Variants in DHRSX observed in about 807,000 individuals in gnomAD.
The protein encoded by DHRSX is polyprenol dehydrogenase.
DHRSX carries 31 observed loss-of-function variants against 34.0 expected under a neutral mutation model. The ratio of observed to expected loss-of-function variants is 0.91; its 90% CI spans 0.69 to 1.23. The LOEUF (loss-of-function observed/expected upper bound fraction) is 1.23. Among genes scored for constraint, DHRSX ranks in the 50% most tolerant of loss-of-function variants. DHRSX has a pLI of 0.00. For synonymous variants in DHRSX, 201 were observed against 183.8 expected (o/e 1.09, Z -0.76); for missense variants, 414 against 428.1 (o/e 0.97, Z 0.29).
At chrX:2,490,728 C>T in intron 1 of DHRSX, 1 of 1,608,176 alleles carries the variant, frequency 6.2e-7, no homozygotes, top group Non-Finnish European at 8.5e-7. Context: ...ATTGCTTCTC[C>T]ACCGGAGCCT....
At chrX:2,427,243 G>A (rs939085831) in intron 1 of DHRSX, among the ~76,000 whole-genome samples, 2 of 152,236 alleles carry the variant, frequency 1.3e-5, no homozygotes, top group Admixed American at 6.5e-5. Context: ...GAGGAAGGCG[G>A]CTGGCTGGCT....
intron 3 of DHRSX, among the ~76,000 whole-genome samples, chrX:2,354,379 C>G (rs1157683627): frequency 1.3e-5 from 2 of 152,212 alleles, no homozygotes; most frequent in African/African-American, 4.8e-5. Context: ...CAGGGATTCC[C>G]TCAGCTTAGA....
At chrX:2,453,381 C>A (rs1288650571) in intron 1 of DHRSX, among the ~76,000 whole-genome samples, 25 of 148,784 alleles carry the variant, frequency 1.7e-4, no homozygotes, top group Non-Finnish European at 2.7e-4. Context: ...AAAAAAAAAA[C>A]AAAAAATTAG....
At chrX:2,441,986 A>C (rs1223037311) in intron 1 of DHRSX, among the ~76,000 whole-genome samples, 1 of 152,170 alleles carries the variant, frequency 6.6e-6, no homozygotes, top group African/African-American at 2.4e-5. Flanking sequence ...AGGCAGAAGA[A>C]TTGCTTGAAC....
intron 3 of DHRSX, among the ~76,000 whole-genome samples, chrX:2,348,883 G>A (rs1474608251): frequency 4.6e-5 from 7 of 151,846 alleles, no homozygotes; most frequent in Non-Finnish European, 8.8e-5. Flanking sequence ...TAGTAGAGAC[G>A]ACATTTCACC....
chrX:2,390,530 T>C (rs888736956), intron 3 of DHRSX, among the ~76,000 whole-genome samples: 2 of 152,174 alleles, frequency 1.3e-5, no homozygotes, highest in African/African-American at 4.8e-5. Context: ...AGTAAAGTGG[T>C]ATTAAATACA....
chrX:2,417,496 T>C (rs2043710666), intron 2 of DHRSX, among the ~76,000 whole-genome samples: 1 of 152,076 alleles, frequency 6.6e-6, no homozygotes, highest in South Asian at 2.1e-4. Context: ...CTAGACCTTA[T>C]CATGACCTAA....
chrX:2,475,399 AG>A (rs772274836), intron 1 of DHRSX, among the ~76,000 whole-genome samples: 29,428 of 149,018 alleles, frequency 0.2, 3,815 homozygotes, highest in African/African-American at 0.38. Flanking sequence ...AATGCGACCA[AG>A]GGACCGCCAC....
rs71973986 is a variant in DHRSX, at chrX:2,233,059, A to AAAAG, written c.804+9960_804+9963dup. 5.7e-4 allele frequency among the ~76,000 whole-genome samples: 86 copies of AAAAG among 151,388 alleles called. 3 individuals carry two copies. The South Asian group carries it at 0.01, about 18-fold the overall frequency. On this transcript the variant is annotated intron_variant, in intron 6 of 6. Coordinates refer to ENST00000334651, the MANE Select transcript of DHRSX (RefSeq NM_145177.3). ...TTATACTCTTAAAGTGTTGTTAAGAAAAAGAAAGAAAGAAAGAAAGAAAGA... is the reference window on the plus strand; with the variant it reads ...TTATACTCTTAAAGTGTTGTTAAGAAAAAGAAAGAAAGAAAGAAAGAAAGAAAGA...
intron 5 of DHRSX, among the ~76,000 whole-genome samples, chrX:2,266,070 G>C (rs1340902427): frequency 4.7e-5 from 7 of 147,414 alleles, no homozygotes; most frequent in Non-Finnish European, 7.4e-5. Context: ...TGTCCCCAGA[G>C]CACCAGTGCT....
intron 5 of DHRSX, 82 bp from the exon 6 acceptor site, chrX:2,243,312 G>A (rs1322622807): frequency 3.0e-5 from 37 of 1,223,796 alleles, no homozygotes; most frequent in Middle Eastern, 2.6e-4. Flanking sequence ...CTGTACCTGC[G>A]GCCACGGCCA....
At chrX:2,337,011 G>A (rs1328257921) in intron 3 of DHRSX, among the ~76,000 whole-genome samples, 1 of 152,034 alleles carries the variant, frequency 6.6e-6, no homozygotes, top group East Asian at 1.9e-4. Context: ...TCGCCATGTT[G>A]GCCAGGCTGG....
intron 6 of DHRSX, among the ~76,000 whole-genome samples, chrX:2,226,199 G>A (rs1391988857): frequency 2.0e-5 from 3 of 152,128 alleles, no homozygotes; most frequent in African/African-American, 7.2e-5. Flanking sequence ...GCTGCTGTGT[G>A]CATATGTCAA....
intron 1 of DHRSX, among the ~76,000 whole-genome samples, chrX:2,464,117 G>A (rs1186800843): frequency 3.9e-5 from 6 of 152,062 alleles, no homozygotes; most frequent in Non-Finnish European, 7.4e-5. Flanking sequence ...CGTGGCTAAG[G>A]GACGGCCGCC....
At chrX:2,452,259 C>T (rs1275789348) in intron 1 of DHRSX, among the ~76,000 whole-genome samples, 3 of 151,666 alleles carry the variant, frequency 2.0e-5, no homozygotes, top group African/African-American at 7.3e-5. Flanking sequence ...TGAAGACGTT[C>T]CCTAAGCAGG....
chrX:2,442,055 T>G (rs2065975656), intron 1 of DHRSX, among the ~76,000 whole-genome samples: 1 of 152,182 alleles, frequency 6.6e-6, no homozygotes, highest in South Asian at 2.1e-4. Context: ...ACATGTATTT[T>G]GTATTTATAT....
At chrX:2,311,807 GATGAGCAGCATAGGTTGCTA>G (rs1365262427) in intron 3 of DHRSX, among the ~76,000 whole-genome samples, 26 of 152,140 alleles carry the variant, frequency 1.7e-4, no homozygotes, top group Non-Finnish European at 3.5e-4. Flanking sequence ...GGGTAGCTTG[GATGAGCAGCATAGGTTGCTA>G]ATGAGCGTCG....
chrX:2,235,739 GAAA>G (rs765422799), intron 6 of DHRSX, among the ~76,000 whole-genome samples: 154 of 130,718 alleles, frequency 1.2e-3, no homozygotes, highest in Middle Eastern at 4.2e-3. Context: ...CATCTCAGGG[GAAA>G]AAAAAAAAAA....
chrX:2,315,229 T>G (rs1383826551), intron 3 of DHRSX, among the ~76,000 whole-genome samples: 2 of 151,584 alleles, frequency 1.3e-5, no homozygotes, highest in Non-Finnish European at 2.9e-5. Flanking sequence ...GCTGTCCAAA[T>G]AAACACTATC....
Sources: allele counts gnomAD v4.1 joint callset (sites outside exome capture counted in the v4.1 genomes callset), GRCh38; gene constraint gnomAD v4.1.1; transcripts MANE v1.5; gene names NCBI Gene and HGNC (gene_info 2026-07-23, HGNC 2026-07-21).